Variants in CSMD1 observed in about 807,000 individuals in gnomAD.
CSMD1 encodes the protein CUB and sushi domain-containing protein 1.
In CSMD1, 213 loss-of-function variants were observed where a neutral mutation model predicts 417.5. The ratio of observed to expected loss-of-function variants is 0.51; its 90% CI spans 0.46 to 0.57. The LOEUF (loss-of-function observed/expected upper bound fraction) is 0.57. Among genes scored for constraint, CSMD1 ranks in the 20% least tolerant of loss-of-function variants. The pLI is 0.00. For missense variants in CSMD1, 6,923 were observed against 4,529.7 expected (o/e 1.53, Z -15.17); for synonymous variants, 2,862 against 1,736.8 (o/e 1.65, Z -16.11).
rs572004710 is a variant in CSMD1 at position 4,452,250 on chromosome 8, G to A, written c.303-32185C>T. 3.9e-5 allele frequency among the ~76,000 whole-genome samples: 6 copies of A among 152,188 alleles called. No individual in the cohort carries two copies. The South Asian group carries it at 6.2e-4, about 16-fold the overall frequency. On this transcript the variant is annotated intron_variant, in intron 2 of 69. Coordinates refer to ENST00000635120, the MANE Select transcript of CSMD1 (RefSeq NM_033225.6). ...CTGATTCCAACAACCCAAACTGAAC[G>A]CCTCAGCTCCTCCTTGTCAAAGGAG...
At chr8:4,271,064 A>G (rs1301562252) in intron 3 of CSMD1, among the ~76,000 whole-genome samples, 1 of 152,222 alleles carries the variant, frequency 6.6e-6, no homozygotes, top group Non-Finnish European at 1.5e-5. Flanking sequence ...GAGCTGGTGC[A>G]GAAAGTTCAG....
At chr8:4,845,522 G>A (rs778121599) in intron 1 of CSMD1, among the ~76,000 whole-genome samples, 3 of 152,192 alleles carry the variant, frequency 2.0e-5, no homozygotes, top group South Asian at 4.1e-4. Context: ...CCTCAACTAC[G>A]TATTTTGGCC....
chr8:3,034,854 G>C (rs1046514143), intron 50 of CSMD1, among the ~76,000 whole-genome samples: 1 of 152,192 alleles, frequency 6.6e-6, no homozygotes, highest in African/African-American at 2.4e-5. Flanking sequence ...AATACATGAA[G>C]CTGAAGTTAA....
intron 1 of CSMD1, among the ~76,000 whole-genome samples, chr8:4,836,484 C>T (rs1044919946): frequency 2.0e-5 from 3 of 152,074 alleles, no homozygotes; most frequent in African/African-American, 4.8e-5. Context: ...CTCTTGAATA[C>T]GGCAGACAGC....
At chr8:3,763,396 G>A (rs898241751) in intron 5 of CSMD1, among the ~76,000 whole-genome samples, 3 of 152,118 alleles carry the variant, frequency 2.0e-5, no homozygotes, top group African/African-American at 4.8e-5. Context: ...ATGGTAATGA[G>A]TAAGTTCTCA....
chr8:3,948,212 CAAT>C (rs970491332), intron 5 of CSMD1, among the ~76,000 whole-genome samples: 2 of 151,760 alleles, frequency 1.3e-5, no homozygotes, highest in Admixed American at 6.6e-5. Context: ...TAAATAATAA[CAAT>C]AATAATAATA....
intron 17 of CSMD1, among the ~76,000 whole-genome samples, chr8:3,390,299 G>A (rs1328333774): frequency 7.1e-6 from 1 of 141,204 alleles, no homozygotes; most frequent in Non-Finnish European, 1.5e-5. Context: ...AGGATGCAGT[G>A]AGCCAAGGTT....
At chr8:4,678,408 C>T (rs1486507141) in intron 1 of CSMD1, among the ~76,000 whole-genome samples, 5 of 150,998 alleles carry the variant, frequency 3.3e-5, no homozygotes, top group Admixed American at 3.3e-4. Context: ...AAGACTCTGT[C>T]TCAACAACAA....
chr8:4,717,589 T>G (rs1808765350), intron 1 of CSMD1, among the ~76,000 whole-genome samples: 1 of 151,526 alleles, frequency 6.6e-6, no homozygotes, highest in Non-Finnish European at 1.5e-5. Context: ...CATCCATACA[T>G]CCATCCATCC....
chr8:4,373,935 G>A (rs956284676), intron 3 of CSMD1, among the ~76,000 whole-genome samples: 3 of 152,160 alleles, frequency 2.0e-5, no homozygotes, highest in African/African-American at 4.8e-5. Flanking sequence ...TCTATACCTA[G>A]AAGACTTTAG....
chr8:3,334,893 C>T (rs2117562088), intron 23 of CSMD1, among the ~76,000 whole-genome samples: 1 of 152,368 alleles, frequency 6.6e-6, no homozygotes, highest in South Asian at 2.1e-4. Flanking sequence ...TGTGTCACCA[C>T]TGGGTGATCC....
chr8:4,126,232 T>C (rs1027618443), intron 3 of CSMD1, among the ~76,000 whole-genome samples: 4 of 152,096 alleles, frequency 2.6e-5, no homozygotes, highest in Non-Finnish European at 5.9e-5. Flanking sequence ...ATTTGAGTAA[T>C]AATAAAACTC....
intron 26 of CSMD1, among the ~76,000 whole-genome samples, chr8:3,239,425 T>G (rs1431354597): frequency 6.6e-6 from 1 of 152,116 alleles, no homozygotes; most frequent in Non-Finnish European, 1.5e-5. Context: ...TCTTAGACCC[T>G]GTGGGAAAGG....
At chr8:3,754,899 T>C (rs1797571272) in intron 5 of CSMD1, among the ~76,000 whole-genome samples, 1 of 152,224 alleles carries the variant, frequency 6.6e-6, no homozygotes, top group African/African-American at 2.4e-5. Context: ...GGACCATTTA[T>C]GAGATTGATG....
At chr8:4,318,072 G>C (rs954095783) in intron 3 of CSMD1, among the ~76,000 whole-genome samples, 2 of 152,096 alleles carry the variant, frequency 1.3e-5, no homozygotes, top group African/African-American at 4.8e-5. Context: ...TCACGTAAGT[G>C]TGACATTTAG....
At position 3,046,249 on chromosome 8, in the gene CSMD1, G is replaced by C. The variant is rs148273690; in HGVS notation, c.7660+6213C>G. The stretch of plus-strand genomic sequence containing the variant: ...TTTCAGGCGCTCAGGTGGTGACCTG[G>C]GTGGTGCAGAAGTGAAGCCACGTGG... On this transcript the variant is annotated intron_variant, in intron 50 of 69. Transcript: ENST00000635120. Among the ~76,000 whole-genome samples, 1,021 of 152,280 alleles carry C rather than the reference G, an allele frequency of 6.7e-3. 4 individuals carry two copies. The highest frequency in any genetic ancestry group is 8.4e-3 in the Non-Finnish European group (571 of 68,034).
intron 7 of CSMD1, among the ~76,000 whole-genome samples, chr8:3,663,644 A>G (rs559130277): frequency 4.3e-4 from 65 of 152,296 alleles, no homozygotes; most frequent in Middle Eastern, 3.4e-3. Flanking sequence ...CAGAAACTCA[A>G]AAGAATGCAA....
intron 3 of CSMD1, among the ~76,000 whole-genome samples, chr8:4,246,567 A>C (rs1032509368): frequency 2.6e-5 from 4 of 152,176 alleles, no homozygotes; most frequent in African/African-American, 9.7e-5. Context: ...TTTCTTTAAA[A>C]TAATTATTTG....
chr8:3,750,200 T>A (rs900824440), intron 6 of CSMD1, among the ~76,000 whole-genome samples: 1 of 152,142 alleles, frequency 6.6e-6, no homozygotes, highest in African/African-American at 2.4e-5. Context: ...GACGGAATTT[T>A]TGTTCTCTTA....
Sources: allele counts gnomAD v4.1 joint callset (sites outside exome capture counted in the v4.1 genomes callset), GRCh38; gene constraint gnomAD v4.1.1; transcripts MANE v1.5; gene names NCBI Gene and HGNC (gene_info 2026-07-23, HGNC 2026-07-21).